HHAT: variants seen among roughly 807,000 people sequenced by gnomAD.
HHAT encodes hedgehog acyltransferase.
Under a neutral mutation model 70.8 loss-of-function variants are expected in HHAT, and 47 were observed. The ratio of observed to expected loss-of-function variants is 0.66; its 90% CI spans 0.53 to 0.85. HHAT has a LOEUF of 0.85. HHAT is among the 40% of genes least tolerant of loss of function. The pLI is 0.00. For synonymous variants in HHAT, 228 were observed against 247.6 expected (o/e 0.92, Z 0.74); for missense variants, 609 against 604.8 (o/e 1.01, Z -0.07).
chr1:210,502,472 T>C (rs2094777167), intron 8 of HHAT, among the ~76,000 whole-genome samples: 1 of 152,004 alleles, frequency 6.6e-6, no homozygotes, highest in Non-Finnish European at 1.5e-5. Context: ...ATAGTACATA[T>C]GTCATTTGAA....
intron 3 of HHAT, 143 bp from the exon 4 acceptor site, chr1:210,387,324 TG>T: frequency 1.5e-6 from 1 of 663,014 alleles, no homozygotes. Context: ...TACAGGTGGG[TG>T]GGGAAAGGCT....
At chr1:210,480,219 G>A (rs770940479) in intron 8 of HHAT, among the ~76,000 whole-genome samples, 1 of 152,190 alleles carries the variant, frequency 6.6e-6, no homozygotes, top group South Asian at 2.1e-4. Flanking sequence ...CGTCCAAAGT[G>A]TGCTGGAGGT....
intron 7 of HHAT, among the ~76,000 whole-genome samples, chr1:210,450,079 G>A (rs2093718759): frequency 6.6e-6 from 1 of 152,154 alleles, no homozygotes; most frequent in African/African-American, 2.4e-5. Context: ...GGATCACAAG[G>A]TCAGGAGTTC....
rs564405010 is a variant in HHAT, at chr1:210,345,181, C to T, written c.-43-3752C>T. Among the ~76,000 whole-genome samples the T allele has an allele frequency of 7.2e-5, 11 of 152,120 alleles. No homozygotes were observed. The East Asian group carries it at 1.4e-3, about 19-fold the overall frequency. On this transcript the variant is annotated intron_variant, in intron 1 of 11. Coordinates refer to ENST00000261458, the MANE Select transcript of HHAT (RefSeq NM_018194.6). ...GGGGAGTGAGTATGAGTGGGTTCTG[C>T]GCTGGGATGGCATCCTGTCCAGGGC...
At position 210,588,069 on chromosome 1, in the gene HHAT, G is replaced by T. The variant is rs1431230923; in HGVS notation, c.1215G>T (p.Leu405=). 1 of 1,611,146 alleles carries T rather than the reference G, an allele frequency of 6.2e-7. No homozygotes were observed. Among genetic ancestry groups the T allele is most frequent in the African/African-American group, 1.3e-5 (1 of 74,914 alleles). ...CTGTGGAGAATGGAGTCCGGAGGCT[G>T]GTGGAGACTCCCTGCATCCAGGACA... ...GVTVENGVRR[L]VETPCIQDSL... is the part of the protein sequence containing the mutation. Residue 405 remains leucine (L), a synonymous_variant, in exon 10 of 12, where the codon CTG becomes CTT. Transcript: ENST00000261458.
At chr1:210,642,832 A>G (rs1287629549) in intron 11 of HHAT, among the ~76,000 whole-genome samples, 1 of 152,096 alleles carries the variant, frequency 6.6e-6, no homozygotes, top group African/African-American at 2.4e-5. Flanking sequence ...TCTGAGGGAC[A>G]AGGTTTTTAC....
At chr1:210,421,539 G>A (rs1398992913) in intron 7 of HHAT, among the ~76,000 whole-genome samples, 3 of 152,140 alleles carry the variant, frequency 2.0e-5, no homozygotes, top group African/African-American at 7.2e-5. Context: ...TCCACCTCCT[G>A]AGTTGAAGCA....
intron 1 of HHAT, among the ~76,000 whole-genome samples, chr1:210,337,189 A>G (rs754663940): frequency 1.3e-5 from 2 of 152,202 alleles, no homozygotes; most frequent in African/African-American, 2.4e-5. Flanking sequence ...TTTCAGATTT[A>G]ATTTTCTTCC....
At chr1:210,624,752 A>G (rs548543213) in intron 11 of HHAT, among the ~76,000 whole-genome samples, 3 of 152,320 alleles carry the variant, frequency 2.0e-5, no homozygotes, top group South Asian at 2.1e-4. Flanking sequence ...CATCATATCT[A>G]TAAGAGAATT....
intron 7 of HHAT, among the ~76,000 whole-genome samples, chr1:210,419,591 T>C (rs7538194): frequency 0.46 from 70,491 of 152,048 alleles, 16,393 homozygotes; most frequent in Admixed American, 0.54. Context: ...AGTACAAGCC[T>C]GACTCCTTCT....
At chr1:210,479,534 G>GC (rs1379087947) in intron 8 of HHAT, among the ~76,000 whole-genome samples, 1 of 152,188 alleles carries the variant, frequency 6.6e-6, no homozygotes, top group East Asian at 1.9e-4. Context: ...AAAAATAAAA[G>GC]CTTAGGTTAA....
intron 8 of HHAT, among the ~76,000 whole-genome samples, chr1:210,485,793 C>T (rs1276946649): frequency 1.3e-5 from 2 of 152,012 alleles, no homozygotes; most frequent in Non-Finnish European, 2.9e-5. Flanking sequence ...AAACTGCCCT[C>T]ATGATTCAAT....
rs1424725358 is a variant in HHAT, at chr1:210,675,568, A to G, written c.*1189A>G. ...AATTTACAACATCTCAAGTACGTAA[A>G]TTAAGTTGTCATTGAGTGAAAGGTT... is the stretch of plus-strand genomic sequence containing the variant. On this transcript the variant is annotated 3_prime_UTR_variant, in exon 12 of 12. Transcript: ENST00000261458. 6.6e-6 allele frequency: 1 copy of G among 152,178 alleles called. No homozygotes were observed. Among genetic ancestry groups the G allele is most frequent in the African/African-American group, 2.4e-5 (1 of 41,436 alleles). The allele number at this position is 152,178 out of a possible 1,614,324, so 9.4% of individuals were successfully genotyped here.
intron 7 of HHAT, among the ~76,000 whole-genome samples, chr1:210,425,619 T>C (rs1346623065): frequency 6.6e-6 from 1 of 152,176 alleles, no homozygotes; most frequent in East Asian, 1.9e-4. Context: ...ATTGCTTGTT[T>C]TTGCCAGGTG....
At chr1:210,642,055 T>C (rs994945041) in intron 11 of HHAT, among the ~76,000 whole-genome samples, 4 of 152,254 alleles carry the variant, frequency 2.6e-5, no homozygotes, top group African/African-American at 9.6e-5. Flanking sequence ...TTGAATGTTT[T>C]GTTCCTAACC....
intron 3 of HHAT, chr1:210,374,236 A>C (rs530314229): frequency 1.3e-5 from 2 of 150,618 alleles, no homozygotes; most frequent in South Asian, 2.1e-4. Flanking sequence ...TAAAAGGCGA[A>C]AGATTTATTC....
intron 8 of HHAT, among the ~76,000 whole-genome samples, chr1:210,504,453 G>A (rs952267612): frequency 5.3e-5 from 8 of 152,142 alleles, no homozygotes; most frequent in African/African-American, 1.9e-4. Flanking sequence ...TTTTGCCTGT[G>A]GTCAAATGCT....
intron 1 of HHAT, among the ~76,000 whole-genome samples, chr1:210,333,352 A>T (rs2085168365): frequency 6.6e-6 from 1 of 152,174 alleles, no homozygotes; most frequent in African/African-American, 2.4e-5. Context: ...TGAGCCCAGG[A>T]GGTCAAGGCT....
chr1:210,558,071 A>AATG, intron 9 of HHAT, among the ~76,000 whole-genome samples: 1 of 152,312 alleles, frequency 6.6e-6, no homozygotes, highest in South Asian at 2.1e-4. Flanking sequence ...GAGCAGTGAG[A>AATG]ATGATTCAAC....
Sources: gnomAD v4.1 joint callset for allele counts (sites outside exome capture counted in the v4.1 genomes callset) on GRCh38, gnomAD v4.1.1 for gene constraint, MANE v1.5 for transcripts, NCBI Gene and HGNC (gene_info 2026-07-23, HGNC 2026-07-21) for gene names.